PDGFD: variants seen among roughly 807,000 people sequenced by gnomAD.
The protein encoded by PDGFD is platelet derived growth factor D.
Under a neutral mutation model 44.7 loss-of-function variants are expected in PDGFD, and 30 were observed. The ratio of observed to expected loss-of-function variants is 0.67; its 90% CI spans 0.50 to 0.91. PDGFD has a LOEUF of 0.91. Ranked by LOEUF, PDGFD falls within the 40% of genes least tolerant of loss-of-function variation. The pLI is 0.00. For missense variants in PDGFD, 445 were observed against 457.8 expected, an observed-to-expected ratio of 0.97 and a Z score of 0.25; for synonymous variants, 173 against 168.4, an observed-to-expected ratio of 1.03 and a Z score of -0.21.
intron 1 of PDGFD, among the ~76,000 whole-genome samples, chr11:104,118,877 AC>A (rs1861689473): frequency 1.2e-5 from 1 of 80,344 alleles, no homozygotes; most frequent in Non-Finnish European, 2.2e-5. Context: ...ATATTAATAT[AC>A]ATATATATTA....
intron 1 of PDGFD, among the ~76,000 whole-genome samples, chr11:104,143,213 T>A (rs1461299805): frequency 6.6e-6 from 1 of 152,204 alleles, no homozygotes; most frequent in Non-Finnish European, 1.5e-5. Context: ...AAGGCATAAC[T>A]TCCTCTTTAG....
chr11:104,110,640 G>A (rs181678260), intron 1 of PDGFD, among the ~76,000 whole-genome samples: 19 of 152,162 alleles, frequency 1.2e-4, no homozygotes, highest in Admixed American at 4.6e-4. Flanking sequence ...TGGTTTGTAC[G>A]GGCATAGGAA....
chr11:103,996,419 A>G (rs1308751257), intron 2 of PDGFD, among the ~76,000 whole-genome samples, 174 bp from the exon 3 acceptor site: 1 of 152,212 alleles, frequency 6.6e-6, no homozygotes, highest in Non-Finnish European at 1.5e-5. Flanking sequence ...TAGGTTTGCA[A>G]ATTCAAGCTT....
At chr11:104,080,374 A>G (rs1292115698) in intron 1 of PDGFD, among the ~76,000 whole-genome samples, 1 of 152,224 alleles carries the variant, frequency 6.6e-6, no homozygotes, top group East Asian at 1.9e-4. Flanking sequence ...GATTTCGACT[A>G]GAGACCAGAA....
intron 5 of PDGFD, among the ~76,000 whole-genome samples, chr11:103,935,918 G>T (rs187507470): frequency 3.3e-5 from 5 of 152,168 alleles, no homozygotes; most frequent in Non-Finnish European, 7.3e-5. Context: ...TAGGATTTGA[G>T]TTAGAATTTT....
intron 5 of PDGFD, among the ~76,000 whole-genome samples, chr11:103,937,396 T>A (rs1186642561): frequency 6.6e-6 from 1 of 152,162 alleles, no homozygotes; most frequent in Admixed American, 6.5e-5. Flanking sequence ...ATCTTACTTA[T>A]ATTGTTTATC....
chr11:104,135,682 G>A (rs1289730492), intron 1 of PDGFD, among the ~76,000 whole-genome samples: 1 of 152,048 alleles, frequency 6.6e-6, no homozygotes, highest in Admixed American at 6.6e-5. Flanking sequence ...AGAGGATAAC[G>A]GAGGGTGGGA....
chr11:104,063,819 T>A (rs1387295987), intron 1 of PDGFD, among the ~76,000 whole-genome samples: 1 of 152,088 alleles, frequency 6.6e-6, no homozygotes, highest in Non-Finnish European at 1.5e-5. Context: ...TCCAGTCACC[T>A]CCCATCAGGT....
At chr11:103,964,302 T>G (rs377109837) in intron 3 of PDGFD, among the ~76,000 whole-genome samples, 1 of 152,180 alleles carries the variant, frequency 6.6e-6, no homozygotes, top group Non-Finnish European at 1.5e-5. Flanking sequence ...TACAGGTGAT[T>G]AGCAGCTGAT....
intron 1 of PDGFD, among the ~76,000 whole-genome samples, chr11:104,006,824 T>C (rs1322344662): frequency 6.6e-6 from 1 of 152,164 alleles, no homozygotes; most frequent in Non-Finnish European, 1.5e-5. Flanking sequence ...CTATCCATCC[T>C]GGTGAGAGCC....
rs942775678 is a variant in PDGFD, at chr11:103,981,368, T to A, written c.510+14697A>T. On this transcript the variant is annotated intron_variant, in intron 3 of 6. Coordinates refer to ENST00000393158, the MANE Select transcript of PDGFD (RefSeq NM_025208.5). ...CCAAAACTGTAAGAAATAAATTTCT[T>A]TTTTAAAAAAATTACCCAGTCTCAA... Among the ~76,000 whole-genome samples the A allele has an allele frequency of 4.2e-4, 63 of 151,634 alleles. 1 individual carries two copies. The highest frequency in any genetic ancestry group is 1.5e-3 in the African/African-American group (63 of 41,036).
Position 104,163,795 on chromosome 11 carries a change from GTC to G in PDGFD, c.124+7_124+8del. The G allele has an allele frequency of 6.6e-7, 1 of 1,521,316 alleles. No homozygotes were observed. Among genetic ancestry groups the G allele is most frequent in the South Asian group, 1.3e-5 (1 of 77,090 alleles). 94.2% of individuals were successfully genotyped at this position (1,521,316 alleles called of 1,614,324 possible). ...TTTTTTCAGTTAAAAAATAAAATGAGTCTCTTACCATCTCGCCTGAGGTTGGC... is the reference window on the plus strand; with the variant it reads ...TTTTTTCAGTTAAAAAATAAAATGAGTCTTACCATCTCGCCTGAGGTTGGC... On this transcript the variant is annotated splice_region_variant and intron_variant, in intron 1 of 6. Coordinates refer to ENST00000393158, the MANE Select transcript of PDGFD (RefSeq NM_025208.5).
At chr11:104,157,158 G>A (rs554464495) in intron 1 of PDGFD, among the ~76,000 whole-genome samples, 2 of 152,162 alleles carry the variant, frequency 1.3e-5, no homozygotes, top group South Asian at 2.1e-4. Flanking sequence ...CTGCTGTGCT[G>A]AGCGCAGAGC....
At chr11:104,071,280 T>C (rs1389420810) in intron 1 of PDGFD, among the ~76,000 whole-genome samples, 2 of 151,902 alleles carry the variant, frequency 1.3e-5, no homozygotes, top group African/African-American at 4.8e-5. Context: ...TTTCATCAGT[T>C]AAGTTGAATA....
chr11:104,012,303 A>G (rs1859796659), intron 1 of PDGFD, among the ~76,000 whole-genome samples: 1 of 152,234 alleles, frequency 6.6e-6, no homozygotes, highest in East Asian at 1.9e-4. Flanking sequence ...CTTTGAAGCT[A>G]TGTATGAATA....
chr11:104,056,162 T>C (rs1860614109), intron 1 of PDGFD, among the ~76,000 whole-genome samples: 1 of 152,214 alleles, frequency 6.6e-6, no homozygotes, highest in South Asian at 2.1e-4. Flanking sequence ...TCCCTATGTA[T>C]GTCAGATTAT....
At chr11:104,143,511 T>C (rs1427654183) in intron 1 of PDGFD, among the ~76,000 whole-genome samples, 1 of 152,154 alleles carries the variant, frequency 6.6e-6, no homozygotes, top group Non-Finnish European at 1.5e-5. Context: ...GGAGGTACCA[T>C]TTATATTTTA....
At chr11:104,101,855 G>A (rs544398534) in intron 1 of PDGFD, among the ~76,000 whole-genome samples, 1 of 152,078 alleles carries the variant, frequency 6.6e-6, no homozygotes, top group East Asian at 1.9e-4. Flanking sequence ...AAATGGTCCT[G>A]GGAAAACTGG....
In PDGFD at chr11:103,959,345, T is replaced by G. The variant is rs147066804; in HGVS notation, c.511-11621A>C. Among the ~76,000 whole-genome samples, 45 of 152,330 alleles carry G rather than the reference T, an allele frequency of 3.0e-4. No homozygotes were observed. In the Middle Eastern group the frequency reaches 0.01, roughly 35 times the overall value. ...CAGCTATGTAAATGAAAACAAGTAA[T>G]TCAAAGTACCTTTTTCTTGACCTGA... On this transcript the variant is annotated intron_variant, in intron 3 of 6. Transcript: ENST00000393158.
Sources: gnomAD v4.1 joint callset for allele counts (sites outside exome capture counted in the v4.1 genomes callset) on GRCh38, gnomAD v4.1.1 for gene constraint, MANE v1.5 for transcripts, NCBI Gene and HGNC (gene_info 2026-07-23, HGNC 2026-07-21) for gene names.